The following APCDD1L variants were observed in gnomAD, a reference collection of about 807,000 sequenced individuals.
The protein encoded by APCDD1L is protein APCDD1-like.
Under a neutral mutation model 24.2 loss-of-function variants are expected in APCDD1L, and 21 were observed. That is an observed-to-expected ratio of 0.87 (90% confidence interval 0.61 to 1.25). The LOEUF (loss-of-function observed/expected upper bound fraction) is 1.25. Ranked by LOEUF, APCDD1L falls within the 50% of genes most tolerant of loss-of-function variation. The probability of loss-of-function intolerance (pLI) is 0.00; values close to 1 mark genes in which losing one functional copy is unlikely to be tolerated. For synonymous variants in APCDD1L, 321 were observed against 323.6 expected (o/e 0.99, Z 0.09); for missense variants, 704 against 711.7 (o/e 0.99, Z 0.12).
chr20:58,467,445 G>A lies in APCDD1L; in HGVS notation c.402C>T (p.Ile134=). 2 of 1,585,448 alleles carry A rather than the reference G, an allele frequency of 1.3e-6. No individual in the cohort carries two copies. The highest frequency in any genetic ancestry group is 1.8e-5 in the Admixed American group (1 of 56,184). ...CCAGGGCCCGGCGGCTGTGGAAGAC[G>A]ATGCCCACCTTGTGCAGGTGGTAGT... The part of the protein sequence containing the change: ...EADYHLHKVG[I]VFHSRRALVD... Residue 134 remains isoleucine (I), a synonymous_variant, in exon 3 of 4, where the codon ATC becomes ATT. Transcript: ENST00000371149. This position sits in a 1 kb window ranked among gnomAD's most constrained non-coding sequence, Gnocchi z 5.9.
chr20:58,498,120 GTTCT>G (rs1256433160), intron 1 of APCDD1L, among the ~76,000 whole-genome samples: 9 of 152,198 alleles, frequency 5.9e-5, no homozygotes, highest in African/African-American at 1.9e-4. Context: ...TAACTATGGC[GTTCT>G]TTGTCTCATT....
intron 1 of APCDD1L, among the ~76,000 whole-genome samples, chr20:58,490,737 C>T (rs1990209647): frequency 6.6e-6 from 1 of 152,188 alleles, no homozygotes; most frequent in African/African-American, 2.4e-5. Flanking sequence ...TGCTAAGGTT[C>T]TCACACTCTA....
intron 1 of APCDD1L, among the ~76,000 whole-genome samples, chr20:58,485,016 T>A (rs1990096067): frequency 6.6e-6 from 1 of 151,960 alleles, no homozygotes; most frequent in Admixed American, 6.6e-5. Context: ...TTTTTACACT[T>A]AAATTGTCAG....
Position 58,497,325 on chromosome 20 carries a change from G to C in APCDD1L, c.49+17334C>G, listed in dbSNP as rs532849304. ...CCTGGAAAGTGGGTTCTCCCTGGGG[G>C]AGTCTCCCTGCCATGGGGAGAGGGC... On this transcript the variant is annotated intron_variant, in intron 1 of 3. Coordinates refer to ENST00000371149, the MANE Select transcript of APCDD1L (RefSeq NM_153360.3). The surrounding 1 kb of genome is among the most constrained non-coding windows in gnomAD (Gnocchi z 4.3). Among the ~76,000 whole-genome samples the C allele has an allele frequency of 2.0e-5, 3 of 152,256 alleles. No homozygotes were observed. In the East Asian group the frequency reaches 5.8e-4, roughly 29 times the overall value.
At chr20:58,495,361 G>A (rs923897788) in intron 1 of APCDD1L, among the ~76,000 whole-genome samples, 2 of 152,232 alleles carry the variant, frequency 1.3e-5, no homozygotes, top group African/African-American at 2.4e-5. Flanking sequence ...CTGACTGCAT[G>A]GATGGTGTGC....
chr20:58,480,446 A>C (rs925580993), intron 1 of APCDD1L, among the ~76,000 whole-genome samples: 6 of 152,224 alleles, frequency 3.9e-5, no homozygotes, highest in Admixed American at 6.5e-5. Flanking sequence ...CCAGTTCTCC[A>C]TGAAAAGTCT....
rs183928600 is a variant in APCDD1L at position 58,480,802 on chromosome 20, T to C, written c.50-10055A>G. Among the ~76,000 whole-genome samples the C allele has an allele frequency of 5.0e-3, 759 of 152,306 alleles. 5 individuals carry two copies. In the Middle Eastern group the frequency reaches 0.051, roughly 10 times the overall value. ...ACATGAAAACTCTCCCTTGGCCTCA[T>C]GATAATGCTAATTATTCTTGCTCTG... is the stretch of plus-strand genomic sequence containing the variant. On this transcript the variant is annotated intron_variant, in intron 1 of 3. Transcript: ENST00000371149.
chr20:58,512,617 A>G (rs903411298), intron 1 of APCDD1L, among the ~76,000 whole-genome samples: 7 of 152,058 alleles, frequency 4.6e-5, no homozygotes, highest in African/African-American at 1.4e-4. Flanking sequence ...GTGCCATTAT[A>G]TATATAGTTT....
At chr20:58,484,273 C>T (rs1415503806) in intron 1 of APCDD1L, among the ~76,000 whole-genome samples, 6 of 152,114 alleles carry the variant, frequency 3.9e-5, no homozygotes, top group Non-Finnish European at 8.8e-5. Flanking sequence ...GATTTAAAAG[C>T]GCGTCCACAG....
In APCDD1L at chr20:58,461,762, G is replaced by C. The variant is rs559959261; in HGVS notation, c.742-208C>G. On this transcript the variant is annotated intron_variant, in intron 3 of 3. Transcript: ENST00000371149. The surrounding 1 kb of genome is among the most constrained non-coding windows in gnomAD (Gnocchi z 6.0). ...GCCTCCTTGATGGAGGTCAGCCCCTGTATCCCCCGGGCCTTGGGTCTCCTG... is the reference window on the plus strand; with the variant it reads ...GCCTCCTTGATGGAGGTCAGCCCCTCTATCCCCCGGGCCTTGGGTCTCCTG... 7 of 441,138 alleles carry C rather than the reference G, an allele frequency of 1.6e-5. No individual in the cohort carries two copies. The highest frequency in any genetic ancestry group is 2.3e-4 in the South Asian group (2 of 8,834). 27.3% of individuals were successfully genotyped at this position (441,138 alleles called of 1,614,324 possible).
In APCDD1L at chr20:58,467,172, G is replaced by A. The variant is rs1337111081; in HGVS notation, c.675C>T (p.His225=). Residue 225 remains histidine, a synonymous_variant, in exon 3 of 4, where the codon CAC becomes CAT. Transcript: ENST00000371149. This position sits in a 1 kb window ranked among gnomAD's most constrained non-coding sequence, Gnocchi z 5.9. ...LVEELYLGDI[H]TDPAERRHYR... The stretch of plus-strand genomic sequence containing the variant: ...AGTGCCGCCTCTCCGCCGGGTCGGT[G>A]TGGATGTCCCCCAGGTACAGCTCCT... The A allele has an allele frequency of 8.7e-6, 14 of 1,607,334 alleles. No individual in the cohort carries two copies. The highest frequency in any genetic ancestry group is 1.1e-5 in the Non-Finnish European group (13 of 1,179,562).
chr20:58,477,007 T>C (rs981419464), intron 1 of APCDD1L, among the ~76,000 whole-genome samples: 6 of 152,240 alleles, frequency 3.9e-5, no homozygotes, highest in African/African-American at 1.4e-4. Context: ...ACATCTGGCA[T>C]TTATTATCTG....
chr20:58,492,757 A>G (rs1335739142), intron 1 of APCDD1L, among the ~76,000 whole-genome samples: 1 of 152,252 alleles, frequency 6.6e-6, no homozygotes, highest in Non-Finnish European at 1.5e-5. Flanking sequence ...AGACACAATG[A>G]AAACATGCAC....
intron 1 of APCDD1L, among the ~76,000 whole-genome samples, chr20:58,492,385 T>C (rs1990238932): frequency 6.6e-6 from 1 of 152,160 alleles, no homozygotes; most frequent in South Asian, 2.1e-4. Context: ...AAGACACAAG[T>C]TGGTATTTCA....
intron 1 of APCDD1L, among the ~76,000 whole-genome samples, chr20:58,476,534 A>T (rs1249959972): frequency 6.6e-6 from 1 of 151,942 alleles, no homozygotes; most frequent in Non-Finnish European, 1.5e-5. Context: ...AATGAAATGG[A>T]CTCTGGGTCT....
chr20:58,489,349 G>C (rs1990179631), intron 1 of APCDD1L, among the ~76,000 whole-genome samples: 1 of 151,858 alleles, frequency 6.6e-6, no homozygotes, highest in East Asian at 1.9e-4. Context: ...CTCCAGCCTG[G>C]GCAACGTGGA....
rs1989578099 is a variant in APCDD1L, at chr20:58,460,687, A to G, written c.*103T>C. On this transcript the variant is annotated 3_prime_UTR_variant, in exon 4 of 4. Transcript: ENST00000371149. The surrounding 1 kb of genome is among the most constrained non-coding windows in gnomAD (Gnocchi z 4.2). ...AAGCAGTGGGGCTGTGCATCCATCCATGACAGAGCAGAGGAGAATGGTTCC... is the reference window on the plus strand; with the variant it reads ...AAGCAGTGGGGCTGTGCATCCATCCGTGACAGAGCAGAGGAGAATGGTTCC... 7.3e-7 allele frequency: 1 copy of G among 1,366,374 alleles called. No individual in the cohort carries two copies. Among genetic ancestry groups the G allele is most frequent in the Non-Finnish European group, 9.7e-7 (1 of 1,027,650 alleles). The allele number at this position is 1,366,374 out of a possible 1,614,324, so 84.6% of individuals were successfully genotyped here. A position where few individuals can be genotyped will look rare whatever the true frequency, so the allele number is the denominator to read the frequency against.
Position 58,460,631 on chromosome 20 carries a change from CTGAGCCACA to C in APCDD1L, c.*150_*158del, listed in dbSNP as rs1252830538. Reference sequence around the variant, plus strand: ...GCTTTGCAGGGGTTAAGCTCATGTCCTGAGCCACATGGGACACAGGCAGAGTTTGGAAGC... The same window carrying C: ...GCTTTGCAGGGGTTAAGCTCATGTCCTGGGACACAGGCAGAGTTTGGAAGC... On this transcript the variant is annotated 3_prime_UTR_variant, in exon 4 of 4. Coordinates refer to ENST00000371149, the MANE Select transcript of APCDD1L (RefSeq NM_153360.3). This position sits in a 1 kb window ranked among gnomAD's most constrained non-coding sequence, Gnocchi z 4.2. 1.0e-6 allele frequency: 1 copy of C among 995,092 alleles called. No homozygotes were observed. The highest frequency in any genetic ancestry group is 1.6e-5 in the African/African-American group (1 of 61,760). The allele number at this position is 995,092 out of a possible 1,614,324, so 61.6% of individuals were successfully genotyped here.
At position 58,461,520 on chromosome 20, in the gene APCDD1L, A is replaced by G. The variant is rs763133102; in HGVS notation, c.776T>C (p.Ile259Thr). The stretch of plus-strand genomic sequence containing the variant: ...CGGGTGGTGCACATCGGAGCGGGCA[A>G]TGAGGCCACAGGCTGGGCACGGCTG... The part of the protein sequence containing the change: ...HVQPCPACGL[I>T]ARSDVHHPPV... The change falls in exon 4 of 4, where the codon ATT (isoleucine) becomes ACT (threonine). Residue 259 changes from isoleucine (I) to threonine (T), a missense_variant. Coordinates refer to ENST00000371149, the MANE Select transcript of APCDD1L (RefSeq NM_153360.3). The surrounding 1 kb of genome is among the most constrained non-coding windows in gnomAD (Gnocchi z 6.0). 20 of 1,445,572 alleles carry G rather than the reference A, an allele frequency of 1.4e-5. No individual in the cohort carries two copies. The highest frequency in any genetic ancestry group is 1.9e-4 in the Middle Eastern group (1 of 5,314). 89.5% of individuals were successfully genotyped at this position (1,445,572 alleles called of 1,614,324 possible). A position where few individuals can be genotyped will look rare whatever the true frequency, so the allele number is the denominator to read the frequency against.
Sources: gnomAD v4.1 joint callset for allele counts (sites outside exome capture counted in the v4.1 genomes callset) on GRCh38, gnomAD v4.1.1 for gene constraint, Gnocchi (gnomAD v3.1) non-coding constraint, MANE v1.5 for transcripts, NCBI Gene and HGNC (gene_info 2026-07-23, HGNC 2026-07-21) for gene names.